The following HS6ST3 variants were observed in gnomAD, a reference collection of about 807,000 sequenced individuals.
HS6ST3 encodes the protein heparan-sulfate 6-O-sulfotransferase 3.
Under a neutral mutation model 36.7 loss-of-function variants are expected in HS6ST3, and 12 were observed. The observed-to-expected ratio is 0.33, with a 90% confidence interval of 0.21 to 0.53. The LOEUF (loss-of-function observed/expected upper bound fraction) is 0.53. Among genes scored for constraint, HS6ST3 ranks in the 20% least tolerant of loss-of-function variants. HS6ST3 has a pLI of 0.95. For missense variants in HS6ST3, 584 were observed against 640.9 expected, an observed-to-expected ratio of 0.91 and a Z score of 0.96; for synonymous variants, 240 against 257.5, an observed-to-expected ratio of 0.93 and a Z score of 0.65.
chr13:96,433,689 C>T (rs2055627374), intron 1 of HS6ST3, among the ~76,000 whole-genome samples: 1 of 152,136 alleles, frequency 6.6e-6, no homozygotes, highest in Non-Finnish European at 1.5e-5. Context: ...AATTTTAGCA[C>T]TTTGAGAGGT....
At chr13:96,459,601 G>A (rs2055772786) in intron 1 of HS6ST3, among the ~76,000 whole-genome samples, 2 of 152,176 alleles carry the variant, frequency 1.3e-5, no homozygotes, top group Admixed American at 1.3e-4. Flanking sequence ...CTGTGTTGCA[G>A]TGTGTTAATT....
intron 1 of HS6ST3, among the ~76,000 whole-genome samples, chr13:96,411,664 A>G (rs921156579): frequency 6.6e-6 from 1 of 152,246 alleles, no homozygotes; most frequent in Non-Finnish European, 1.5e-5. Flanking sequence ...TTATCAAGCT[A>G]GAGAACAGAT....
At chr13:96,537,545 A>G (rs2056160745) in intron 1 of HS6ST3, among the ~76,000 whole-genome samples, 1 of 152,128 alleles carries the variant, frequency 6.6e-6, no homozygotes. Flanking sequence ...CATTTATTCT[A>G]TTTCTTACAT....
intron 1 of HS6ST3, among the ~76,000 whole-genome samples, chr13:96,555,448 A>G (rs183782291): frequency 1.1e-4 from 17 of 152,306 alleles, no homozygotes; most frequent in Admixed American, 9.2e-4. Context: ...TTCAAGTTAA[A>G]TATGATATTT....
At position 96,695,562 on chromosome 13, in the gene HS6ST3, A is replaced by G. The variant is rs1487867866; in HGVS notation, c.708-136928A>G. Among the ~76,000 whole-genome samples, 6 of 150,312 alleles carry G rather than the reference A, an allele frequency of 4.0e-5. No homozygotes were observed. The Admixed American group carries it at 4.0e-4, about 10-fold the overall frequency. On this transcript the variant is annotated intron_variant, in intron 1 of 1. Transcript: ENST00000376705. ...ATCCTCCCACCTCAGGCTCCTGAGTAGCTGAGACTACAGGCACATACCACC... is the reference window on the plus strand; with the variant it reads ...ATCCTCCCACCTCAGGCTCCTGAGTGGCTGAGACTACAGGCACATACCACC...
At chr13:96,593,688 T>C (rs2056391661) in intron 1 of HS6ST3, among the ~76,000 whole-genome samples, 1 of 151,908 alleles carries the variant, frequency 6.6e-6, no homozygotes, top group African/African-American at 2.4e-5. Flanking sequence ...ATGAATTTCT[T>C]CTCTGATTTA....
At chr13:96,434,152 G>T (rs1228254219) in intron 1 of HS6ST3, among the ~76,000 whole-genome samples, 1 of 152,062 alleles carries the variant, frequency 6.6e-6, no homozygotes, top group African/African-American at 2.4e-5. Context: ...CCTCCAAATT[G>T]TGAAAAATAT....
intron 1 of HS6ST3, among the ~76,000 whole-genome samples, chr13:96,210,953 A>T (rs1346182894): frequency 1.3e-5 from 2 of 148,266 alleles, no homozygotes; most frequent in East Asian, 3.9e-4. Flanking sequence ...TTTCTTGGAG[A>T]CAGAGTCTCA....
At chr13:96,784,214 C>T (rs549196438) in intron 1 of HS6ST3, among the ~76,000 whole-genome samples, 2 of 152,206 alleles carry the variant, frequency 1.3e-5, no homozygotes, top group East Asian at 3.9e-4. Context: ...TAACAAAACC[C>T]CTTGAGAAAT....
At chr13:96,438,818 C>A (rs2055655579) in intron 1 of HS6ST3, among the ~76,000 whole-genome samples, 1 of 152,050 alleles carries the variant, frequency 6.6e-6, no homozygotes, top group African/African-American at 2.4e-5. Context: ...GTAATCCTGG[C>A]ATTGTGGGAG....
At chr13:96,454,500 C>T (rs1406727182) in intron 1 of HS6ST3, among the ~76,000 whole-genome samples, 1 of 152,114 alleles carries the variant, frequency 6.6e-6, no homozygotes, top group Non-Finnish European at 1.5e-5. Flanking sequence ...AATGATTATT[C>T]ATAATACTAA....
chr13:96,181,584 C>T (rs2054240237), intron 1 of HS6ST3, among the ~76,000 whole-genome samples: 1 of 152,132 alleles, frequency 6.6e-6, no homozygotes, highest in African/African-American at 2.4e-5. Context: ...GTCTGCTTTT[C>T]AGAGCTCTTG....
intron 1 of HS6ST3, among the ~76,000 whole-genome samples, chr13:96,825,641 T>G (rs2138545288): frequency 6.6e-6 from 1 of 152,342 alleles, no homozygotes; most frequent in Non-Finnish European, 1.5e-5. Flanking sequence ...ATACTGTTGC[T>G]GAATGAGTCT....
At chr13:96,331,097 A>C (rs2055063997) in intron 1 of HS6ST3, among the ~76,000 whole-genome samples, 1 of 152,102 alleles carries the variant, frequency 6.6e-6, no homozygotes, top group Admixed American at 6.5e-5. Context: ...AATTTTTTTC[A>C]AAGTTTTCAA....
chr13:96,167,799 T>C (rs1447688944), intron 1 of HS6ST3, among the ~76,000 whole-genome samples: 1 of 152,238 alleles, frequency 6.6e-6, no homozygotes, highest in East Asian at 1.9e-4. Flanking sequence ...AACATTTCTA[T>C]GAAAATTTCT....
intron 1 of HS6ST3, among the ~76,000 whole-genome samples, chr13:96,246,976 A>C (rs2054587703): frequency 6.6e-6 from 1 of 152,214 alleles, no homozygotes; most frequent in Non-Finnish European, 1.5e-5. Context: ...TTAAATTAAA[A>C]AAAATAGAGG....
Position 96,751,873 on chromosome 13 carries a change from TA to T in HS6ST3, c.708-80611del, listed in dbSNP as rs1876710191. Among the ~76,000 whole-genome samples, 3 of 149,706 alleles carry T rather than the reference TA, an allele frequency of 2.0e-5. No homozygotes were observed. In the South Asian group the frequency reaches 6.3e-4, roughly 31 times the overall value. On this transcript the variant is annotated intron_variant, in intron 1 of 1. Coordinates refer to ENST00000376705, the MANE Select transcript of HS6ST3 (RefSeq NM_153456.4). ...TACTGCATAACATAGCCTTCTTCTT[TA>T]AAAAAGTTTATATATATATAAACTA...
intron 1 of HS6ST3, among the ~76,000 whole-genome samples, chr13:96,384,549 G>A (rs1011449505): frequency 5.9e-5 from 9 of 151,976 alleles, no homozygotes; most frequent in Admixed American, 2.6e-4. Flanking sequence ...TTCCTTCCTC[G>A]CCCTGGTGTT....
chr13:96,256,934 G>A (rs2054640210), intron 1 of HS6ST3, among the ~76,000 whole-genome samples: 1 of 152,096 alleles, frequency 6.6e-6, no homozygotes. Context: ...GGCAACCAGG[G>A]GATATATGGT....
Sources: gnomAD v4.1 joint callset for allele counts (sites outside exome capture counted in the v4.1 genomes callset) on GRCh38, gnomAD v4.1.1 for gene constraint, MANE v1.5 for transcripts, NCBI Gene and HGNC (gene_info 2026-07-23, HGNC 2026-07-21) for gene names.